Variants in SNRNP200 observed in about 807,000 individuals in gnomAD.
SNRNP200 encodes the protein small nuclear ribonucleoprotein U5 subunit 200, also known as U5 small nuclear ribonucleoprotein 200 kDa helicase.
A neutral mutation model predicts 255.2 loss-of-function variants in SNRNP200; 66 were observed. The ratio of observed to expected loss-of-function variants is 0.26; its 90% confidence interval spans 0.21 to 0.32. The LOEUF is 0.32. Ranked by LOEUF, SNRNP200 falls within the 10% of genes least tolerant of loss-of-function variation. SNRNP200 has a pLI of 1.00. For missense variants in SNRNP200, 1,585 were observed against 2,749.8 expected (o/e 0.58, Z 9.47); for synonymous variants, 939 against 1,027.8 (o/e 0.91, Z 1.65).
chr2:96,288,990 A>C (rs1573994891), intron 23 of SNRNP200, 47 bp downstream of exon 23: 1 of 1,516,864 alleles, frequency 6.6e-7, no homozygotes, highest in East Asian at 2.3e-5. Context: ...GATTATGAAA[A>C]CCACTTAATC....
intron 6 of SNRNP200, 32 bp downstream of exon 6, chr2:96,299,297 T>C (rs920052458): frequency 1.3e-6 from 2 of 1,590,588 alleles, no homozygotes; most frequent in African/African-American, 2.7e-5. Flanking sequence ...GAAGTAACCT[T>C]GTAGCAATGA....
intron 35 of SNRNP200, 104 bp from the exon 36 acceptor site, chr2:96,279,663 G>A (rs1684726718): frequency 5.5e-6 from 4 of 721,004 alleles, no homozygotes; most frequent in South Asian, 3.0e-5. Flanking sequence ...GTTAATACGG[G>A]GAGACACGGA....
rs1427405825 is a variant in SNRNP200 at position 96,277,701 on chromosome 2, G to A, written c.5769C>T (p.Ile1923=). 5 of 1,614,140 alleles carry A rather than the reference G, an allele frequency of 3.1e-6. No individual in the cohort carries two copies. The South Asian group carries it at 4.4e-5, about 14-fold the overall frequency. Residue 1923 remains isoleucine, a synonymous_variant, in exon 41 of 45, where the codon ATC becomes ATT. Coordinates refer to ENST00000323853, the MANE Select transcript of SNRNP200 (RefSeq NM_014014.5). This position sits in a 1 kb window ranked among gnomAD's most constrained non-coding sequence, Gnocchi z 4.4. ...TGGAAAGGACATCCACGCAGGCCTG[G>A]ATGAGCCGGATTGCCTGAACAGGAA... ...EEILSKAIRL[I]QACVDVLSSN...
chr2:96,283,182 C>G lies in SNRNP200; in HGVS notation c.4915+19G>C, dbSNP rs2063815946. On this transcript the variant is annotated intron_variant, in intron 34 of 44. Transcript: ENST00000323853. This position sits in a 1 kb window ranked among gnomAD's most constrained non-coding sequence, Gnocchi z 4.7. ...TTGGTGATACCCTTGCTATGCTCCC[C>G]TTCCGTGGCCTGACTTACCTGAGCT... is the stretch of plus-strand genomic sequence containing the variant. 3 of 1,613,658 alleles carry G rather than the reference C, an allele frequency of 1.9e-6. No individual in the cohort carries two copies. Among genetic ancestry groups the G allele is most frequent in the African/African-American group, 1.3e-5 (1 of 74,952 alleles).
intron 7 of SNRNP200, 48 bp downstream of exon 7, chr2:96,298,767 A>T (rs1433284942): frequency 6.2e-7 from 1 of 1,613,938 alleles, no homozygotes; most frequent in Admixed American, 1.7e-5. Flanking sequence ...CGCTGTCCCC[A>T]TGTGCTAAGA....
Position 96,297,031 on chromosome 2 carries a change from C to T in SNRNP200, c.1417G>A (p.Ala473Thr), listed in dbSNP as rs554748337. Residue 473 changes from alanine to threonine, a missense_variant, in exon 12 of 45, where the codon GCT becomes ACT. Transcript: ENST00000323853. ...PVEKLPKYAQ[A>T]GFEGFKTLNR... ...AGTGTTTTGAAGCCCTCAAACCCAGCCTGGGCATACTTTGGCAGCTTTTCC... is the reference window on the plus strand; with the variant it reads ...AGTGTTTTGAAGCCCTCAAACCCAGTCTGGGCATACTTTGGCAGCTTTTCC... 1 of 1,614,066 alleles carries T rather than the reference C, an allele frequency of 6.2e-7. No individual in the cohort carries two copies. Among genetic ancestry groups the T allele is most frequent in the African/African-American group, 1.3e-5 (1 of 74,924 alleles).
chr2:96,274,816 T>G lies in SNRNP200; in HGVS notation c.*196A>C. The G allele has an allele frequency of 1.5e-6, 1 of 651,182 alleles. No homozygotes were observed. Among genetic ancestry groups the G allele is most frequent in the Non-Finnish European group, 2.8e-6 (1 of 363,378 alleles). The allele number at this position is 651,182 out of a possible 1,614,324, so 40.3% of individuals were successfully genotyped here. A position where few individuals can be genotyped will look rare whatever the true frequency, so the allele number is the denominator to read the frequency against. On this transcript the variant is annotated 3_prime_UTR_variant, in exon 45 of 45. Transcript: ENST00000323853. Reference sequence around the variant, plus strand: ...TGAAAATGCTATATATGATTTATGCTTGACCCATGACACCTGCTGTCACTG... The same window carrying G: ...TGAAAATGCTATATATGATTTATGCGTGACCCATGACACCTGCTGTCACTG...
chr2:96,298,744 C>CT (rs757805843), intron 7 of SNRNP200, 42 bp from the exon 8 acceptor site: 21 of 1,613,744 alleles, frequency 1.3e-5, no homozygotes, highest in Non-Finnish European at 1.6e-5. Flanking sequence ...CCAAAGCCAT[C>CT]TGCCACTTCA....
In SNRNP200 at chr2:96,289,085, C is replaced by T; in HGVS notation, c.3126G>A (p.Glu1042=). ...TCTCCTTTACAGGGATAGGCACCCT[C>T]TCCAGCAACTTCTGCAGCTCCAGCT... ...EEKLELQKLL[E]RVPIPVKESI... is the part of the protein sequence containing the mutation. Residue 1042 remains glutamate, a synonymous_variant, in exon 23 of 45, where the codon GAG becomes GAA. Coordinates refer to ENST00000323853, the MANE Select transcript of SNRNP200 (RefSeq NM_014014.5). The T allele has an allele frequency of 6.2e-7, 1 of 1,613,512 alleles. No homozygotes were observed. The highest frequency in any genetic ancestry group is 8.5e-7 in the Non-Finnish European group (1 of 1,179,770).
chr2:96,295,758 T>C, intron 13 of SNRNP200, 100 bp from the exon 14 acceptor site: 1 of 1,236,716 alleles, frequency 8.1e-7, no homozygotes, highest in Admixed American at 1.9e-5. Context: ...GGAGCAGGTA[T>C]CAACCCATCA....
chr2:96,286,804 T>C lies in SNRNP200; in HGVS notation c.3713A>G (p.Tyr1238Cys). 1 of 1,613,996 alleles carries C rather than the reference T, an allele frequency of 6.2e-7. No homozygotes were observed. Among genetic ancestry groups the C allele is most frequent in the African/African-American group, 1.3e-5 (1 of 74,930 alleles). ...GGCGTACTTGGCCTTGAGGAGAAAA[T>C]ACTCATGGTGCAGAATCACCTCGCT... Reference protein sequence around the residue: ...VDSEVILHHEYFLLKAKYAQD... With the variant: ...VDSEVILHHECFLLKAKYAQD... Residue 1238 changes from tyrosine to cysteine, a missense_variant, in exon 28 of 45, where the codon TAT (tyrosine) becomes TGT (cysteine). This residue lies in a region of SNRNP200 where 719 missense variants were observed against 1,091.1 expected (regional missense o/e 0.66). Transcript: ENST00000323853. The surrounding 1 kb of genome is among the most constrained non-coding windows in gnomAD (Gnocchi z 4.8).
At position 96,291,207 on chromosome 2, in the gene SNRNP200, G is replaced by C. The variant is rs2063882304; in HGVS notation, c.2421+185C>G. ...GCTTCTCAGACTATCCTAAACTCAA[G>C]CAAGGTGGGAAGAGTTGGGAGAGTA... is the stretch of plus-strand genomic sequence containing the variant. On this transcript the variant is annotated intron_variant, in intron 18 of 44. Coordinates refer to ENST00000323853, the MANE Select transcript of SNRNP200 (RefSeq NM_014014.5). The surrounding 1 kb of genome is among the most constrained non-coding windows in gnomAD (Gnocchi z 4.2). 6.6e-6 allele frequency among the ~76,000 whole-genome samples: 1 copy of C among 152,150 alleles called. No individual in the cohort carries two copies. The highest frequency in any genetic ancestry group is 2.4e-5 in the African/African-American group (1 of 41,414).
chr2:96,275,137 C>A lies in SNRNP200; in HGVS notation c.6286G>T (p.Ala2096Ser). 6.2e-7 allele frequency: 1 copy of A among 1,614,160 alleles called. No homozygotes were observed. Among genetic ancestry groups the A allele is most frequent in the Non-Finnish European group, 8.5e-7 (1 of 1,180,024 alleles). Residue 2096 changes from alanine to serine, a missense_variant, in exon 45 of 45, where the codon GCC becomes TCC. Ala to Ser is a moderately conservative substitution (Grantham distance 99). This residue lies in a region of SNRNP200 where 279 missense variants were observed against 551.2 expected (regional missense o/e 0.51). Transcript: ENST00000323853. ...QKAKVKLDFVAPATGAHNYTL... is the reference protein window; with the variant it reads ...QKAKVKLDFVSPATGAHNYTL... ...TAGTTGTGGGCACCAGTGGCTGGGG[C>A]CACAAAGTCCAACTTCACCTAGAAA...
chr2:96,286,873 T>C lies in SNRNP200; in HGVS notation c.3644A>G (p.His1215Arg), dbSNP rs2063847146. 1.2e-6 allele frequency: 2 copies of C among 1,614,086 alleles called. No individual in the cohort carries two copies. Among genetic ancestry groups the C allele is most frequent in the Non-Finnish European group, 1.7e-6 (2 of 1,180,042 alleles). ...AATCCAAAAAGCCTCGGATGAACCA[T>C]GCACCTGCCAACAGGAGCAAGGGTA... is the stretch of plus-strand genomic sequence containing the variant. The part of the protein sequence containing the change: ...TPDFQWDEKV[H>R]GSSEAFWILV... Residue 1215 changes from histidine to arginine, a missense_variant, in exon 28 of 45, where the codon CAT becomes CGT. Around this residue, in one of 9 missense-constraint regions of SNRNP200, gnomAD observed 719 missense variants for 1,091.1 expected, o/e 0.66. Transcript: ENST00000323853. This position sits in a 1 kb window ranked among gnomAD's most constrained non-coding sequence, Gnocchi z 4.8.
rs1287416458 is a variant in SNRNP200 at position 96,291,411 on chromosome 2, A to C, written c.2402T>G (p.Phe801Cys). The part of the protein sequence containing the change: ...RVDRTLVEDL[F>C]ADKHIQVLVS... The stretch of plus-strand genomic sequence containing the variant: ...CCTCACCTGAATATGTTTATCAGCA[A>C]AAAGATCCTCCACGAGTGTTCGGTC... The change falls in exon 18 of 45, where the codon TTT becomes TGT. Residue 801 changes from phenylalanine (F) to cysteine (C), a missense_variant. By Grantham distance (205) the Phe-to-Cys change is radical. Transcript: ENST00000323853. The surrounding 1 kb of genome is among the most constrained non-coding windows in gnomAD (Gnocchi z 4.2). 3 of 1,608,600 alleles carry C rather than the reference A, an allele frequency of 1.9e-6. No homozygotes were observed. The South Asian group carries it at 3.3e-5, about 18-fold the overall frequency.
rs747846713 is a variant in SNRNP200, at chr2:96,292,996, G to T, written c.2136C>A (p.Ile712=). Residue 712 remains isoleucine (I), a synonymous_variant, in exon 16 of 45, where the codon ATC becomes ATA. Transcript: ENST00000323853. ...CCTGATTTTTTCCAGCATGTTCCAT[G>T]ATTTTTTCATAGACGATTTCATTCA... The part of the protein sequence containing the change: ...QIMNEIVYEK[I]MEHAGKNQVL... 6.2e-7 allele frequency: 1 copy of T among 1,614,092 alleles called. No individual in the cohort carries two copies.
rs1290512931 is a variant in SNRNP200, at chr2:96,290,260, GA to G, written c.2742+65del. 18 of 1,556,152 alleles carry G rather than the reference GA, an allele frequency of 1.2e-5. No homozygotes were observed. The Admixed American group carries it at 3.0e-4, about 26-fold the overall frequency. On this transcript the variant is annotated intron_variant, in intron 20 of 44. Transcript: ENST00000323853. The surrounding 1 kb of genome is among the most constrained non-coding windows in gnomAD (Gnocchi z 4.5). Reference sequence around the variant, plus strand: ...GCTGGCCCGCAGCACAATAGGGACCGACCCACTCCTGGTGCCTTGGTGTCTG... The same window carrying G: ...GCTGGCCCGCAGCACAATAGGGACCGCCCACTCCTGGTGCCTTGGTGTCTG...
chr2:96,291,967 A>C lies in SNRNP200; in HGVS notation c.2161-67T>G, dbSNP rs2063886700. 1 of 1,573,488 alleles carries C rather than the reference A, an allele frequency of 6.4e-7. No homozygotes were observed. Among genetic ancestry groups the C allele is most frequent in the Admixed American group, 1.7e-5 (1 of 59,794 alleles). On this transcript the variant is annotated intron_variant, in intron 16 of 44. Coordinates refer to ENST00000323853, the MANE Select transcript of SNRNP200 (RefSeq NM_014014.5). The surrounding 1 kb of genome is among the most constrained non-coding windows in gnomAD (Gnocchi z 4.2). ...CAGCCCCAGGGCACCTGCAGCAGGA[A>C]GCAGAAGTTGCACCATCACCACCAG... is the stretch of plus-strand genomic sequence containing the variant.
chr2:96,287,656 C>T lies in SNRNP200; in HGVS notation c.3366-99G>A. The T allele has an allele frequency of 8.8e-6, 9 of 1,017,576 alleles. No individual in the cohort carries two copies. The highest frequency in any genetic ancestry group is 1.3e-5 in the Non-Finnish European group (8 of 636,290). The allele number at this position is 1,017,576 out of a possible 1,614,324, so 63.0% of individuals were successfully genotyped here. A position where few individuals can be genotyped will look rare whatever the true frequency, so the allele number is the denominator to read the frequency against. ...ATAGTTTAGCAGTGACTACACAAAA[C>T]ACAGTCATTAAAGGCAGACACTGAC... On this transcript the variant is annotated intron_variant, in intron 25 of 44. Coordinates refer to ENST00000323853, the MANE Select transcript of SNRNP200 (RefSeq NM_014014.5). This position sits in a 1 kb window ranked among gnomAD's most constrained non-coding sequence, Gnocchi z 5.7.
Sources: gnomAD v4.1 joint callset for allele counts (sites outside exome capture counted in the v4.1 genomes callset) on GRCh38, gnomAD v4.1.1 for gene constraint, gnomAD v4.1.1 regional missense constraint, Gnocchi (gnomAD v3.1) non-coding constraint, MANE v1.5 for transcripts, NCBI Gene and HGNC (gene_info 2026-07-23, HGNC 2026-07-21) for gene names.